The following KIAA1217 variants were observed in gnomAD, a reference collection of about 807,000 sequenced individuals.
KIAA1217 encodes the protein KIAA1217.
A neutral mutation model predicts 163.9 loss-of-function variants in KIAA1217; 88 were observed. The ratio of observed to expected loss-of-function variants is 0.54; its 90% confidence interval spans 0.45 to 0.64. The LOEUF is 0.64. Ranked by LOEUF, KIAA1217 falls within the 30% of genes least tolerant of loss-of-function variation. The probability of loss-of-function intolerance (pLI) is 0.00; values close to 1 mark genes in which losing one functional copy is unlikely to be tolerated. For missense variants in KIAA1217, 2,372 were observed against 2,475.0 expected, an observed-to-expected ratio of 0.96 and a Z score of 0.88; for synonymous variants, 903 against 923.1, an observed-to-expected ratio of 0.98 and a Z score of 0.39.
At chr10:24,109,420 A>G (rs146949905) in intron 2 of KIAA1217, among the ~76,000 whole-genome samples, 4 of 152,078 alleles carry the variant, frequency 2.6e-5, no homozygotes, top group Non-Finnish European at 5.9e-5. Flanking sequence ...AAGATAGATT[A>G]CTGAGCAACG....
At chr10:24,535,689 A>G (rs541430223) in intron 16 of KIAA1217, among the ~76,000 whole-genome samples, 12 of 152,186 alleles carry the variant, frequency 7.9e-5, no homozygotes, top group South Asian at 6.2e-4. Flanking sequence ...AGGCAGGAGA[A>G]TTGCTTGAAC....
intron 2 of KIAA1217, among the ~76,000 whole-genome samples, chr10:24,033,386 A>T (rs1848268286): frequency 6.6e-6 from 1 of 152,194 alleles, no homozygotes; most frequent in Non-Finnish European, 1.5e-5. Context: ...ATGCCTCTCT[A>T]CATATGGCCA....
At chr10:23,700,813 T>C (rs1183868590) in intron 1 of KIAA1217, among the ~76,000 whole-genome samples, 1 of 152,250 alleles carries the variant, frequency 6.6e-6, no homozygotes, top group Non-Finnish European at 1.5e-5. Flanking sequence ...TTTTTTGCAC[T>C]AATTTCCCTT....
chr10:24,254,121 T>G (rs2074870513), intron 2 of KIAA1217, among the ~76,000 whole-genome samples: 1 of 152,170 alleles, frequency 6.6e-6, no homozygotes, highest in African/African-American at 2.4e-5. Flanking sequence ...TTAATTATAT[T>G]GAAAGATGCT....
rs5783885 is a variant in KIAA1217, at chr10:24,304,129, A to ATTT, written c.355-76727_355-76725dup. On this transcript the variant is annotated intron_variant, in intron 2 of 20. Coordinates refer to ENST00000376454, the MANE Select transcript of KIAA1217 (RefSeq NM_019590.5). ...GACTACAGCTGTGTGAATCCTCCAC[A>ATTT]TTTTTTTTTTTTTTTGCATGGAAAA... Among the ~76,000 whole-genome samples the ATTT allele has an allele frequency of 5.8e-3, 789 of 136,926 alleles. 9 individuals are homozygous for ATTT. The highest frequency in any genetic ancestry group is 0.019 in the African/African-American group (696 of 37,332). The allele number at this position is 136,926 out of a possible 152,430, so 89.8% of individuals were successfully genotyped here.
chr10:24,519,985 A>T, intron 10 of KIAA1217, 138 bp from the exon 11 acceptor site: 4 of 899,984 alleles, frequency 4.4e-6, no homozygotes, highest in Non-Finnish European at 6.7e-6. Flanking sequence ...ACCCCCCTCC[A>T]CCACCACCAC....
At chr10:23,719,549 C>CCA (rs1837750585) in intron 1 of KIAA1217, among the ~76,000 whole-genome samples, 1 of 151,018 alleles carries the variant, frequency 6.6e-6, no homozygotes, top group African/African-American at 2.5e-5. Context: ...CCACTGCACT[C>CCA]CAGCCTGGGT....
chr10:24,061,784 G>A (rs530314626), intron 2 of KIAA1217, among the ~76,000 whole-genome samples: 1 of 152,252 alleles, frequency 6.6e-6, no homozygotes, highest in African/African-American at 2.4e-5. Context: ...TATGTGACAA[G>A]TTTCTTTTCT....
chr10:23,950,657 G>T lies in KIAA1217; in HGVS notation c.-320-56568G>T, dbSNP rs527301856. Among the ~76,000 whole-genome samples, 7 of 152,238 alleles carry T rather than the reference G, an allele frequency of 4.6e-5. No individual in the cohort carries two copies. In the South Asian group the frequency reaches 8.3e-4, roughly 18 times the overall value. The stretch of plus-strand genomic sequence containing the variant: ...GAGATGTATAGGTAAAAATGGGTTA[G>T]GGTTAGAAGCTGGGAGGGGACTGAC... On this transcript the variant is annotated intron_variant, in intron 1 of 18. Transcript: ENST00000376462.
intron 1 of KIAA1217, among the ~76,000 whole-genome samples, chr10:23,897,801 T>C (rs979001429): frequency 2.6e-5 from 4 of 151,784 alleles, no homozygotes; most frequent in Non-Finnish European, 4.4e-5. Context: ...AAAAAAGGTT[T>C]TATATAAAAT....
At chr10:24,021,341 C>T (rs1463465611) in intron 2 of KIAA1217, among the ~76,000 whole-genome samples, 1 of 151,860 alleles carries the variant, frequency 6.6e-6, no homozygotes, top group East Asian at 1.9e-4. Flanking sequence ...AAAAACACAA[C>T]ACCATTTACA....
chr10:24,438,150 GAAT>G (rs1366409299), intron 4 of KIAA1217, among the ~76,000 whole-genome samples: 2 of 151,898 alleles, frequency 1.3e-5, no homozygotes, highest in African/African-American at 4.8e-5. Context: ...TATACTGGAG[GAAT>G]AATACTTTCT....
intron 6 of KIAA1217, among the ~76,000 whole-genome samples, chr10:24,492,070 G>C (rs971118682): frequency 6.6e-6 from 1 of 152,140 alleles, no homozygotes; most frequent in Non-Finnish European, 1.5e-5. Context: ...ACTGCGGATA[G>C]AGTCCCTGTG....
rs12247080 is a variant in KIAA1217 at position 24,001,844 on chromosome 10, T to C, written c.-320-5381T>C. Among the ~76,000 whole-genome samples, 1,276 of 152,284 alleles carry C rather than the reference T, an allele frequency of 8.4e-3. 16 individuals carry two copies. Among genetic ancestry groups the C allele is most frequent in the African/African-American group, 0.029 (1,195 of 41,560 alleles). On this transcript the variant is annotated intron_variant, in intron 1 of 18. Transcript: ENST00000376462. ...TGCCATACTTAAACAAGGAGGAGTT[T>C]GCTATGGTTTTCACAGAAGAAAGAG...
intron 9 of KIAA1217, among the ~76,000 whole-genome samples, chr10:24,512,030 A>G (rs1028033045): frequency 6.6e-6 from 1 of 152,174 alleles, no homozygotes; most frequent in Admixed American, 6.5e-5. Context: ...GTAAAACTGG[A>G]AATCGAACCC....
chr10:24,346,387 G>T (rs1350838467), intron 2 of KIAA1217, among the ~76,000 whole-genome samples: 4 of 151,760 alleles, frequency 2.6e-5, no homozygotes, highest in African/African-American at 4.8e-5. Flanking sequence ...CAGGAGAATG[G>T]CATGAACCCA....
intron 1 of KIAA1217, among the ~76,000 whole-genome samples, chr10:23,996,637 C>A (rs1192006798): frequency 1.3e-5 from 2 of 152,106 alleles, no homozygotes; most frequent in Non-Finnish European, 2.9e-5. Context: ...CCATGAAGAT[C>A]CTAAGTCATA....
intron 2 of KIAA1217, among the ~76,000 whole-genome samples, chr10:24,248,610 G>A (rs11013990): frequency 0.13 from 18,044 of 140,844 alleles, 1,925 homozygotes; most frequent in African/African-American, 0.26. Flanking sequence ...GGCGGAGGTT[G>A]CAGTGAGCCG....
At position 24,288,914 on chromosome 10, in the gene KIAA1217, G is replaced by T. The variant is rs375570566; in HGVS notation, c.354+69005G>T. On this transcript the variant is annotated intron_variant, in intron 2 of 20. Coordinates refer to ENST00000376454, the MANE Select transcript of KIAA1217 (RefSeq NM_019590.5). ...GTGACATATCAAATTTGCACTTTAG[G>T]CAAGTCCAATGAGAAGGGTTTGAGT... Among the ~76,000 whole-genome samples, 94 of 152,222 alleles carry T rather than the reference G, an allele frequency of 6.2e-4. 1 individual carries two copies. Among genetic ancestry groups the T allele is most frequent in the African/African-American group, 1.7e-3 (71 of 41,536 alleles).
Sources: allele counts gnomAD v4.1 joint callset (sites outside exome capture counted in the v4.1 genomes callset), GRCh38; gene constraint gnomAD v4.1.1; transcripts MANE v1.5; gene names NCBI Gene and HGNC (gene_info 2026-07-23, HGNC 2026-07-21).